STARD3NL: variants seen among roughly 807,000 people sequenced by gnomAD.
The protein encoded by STARD3NL is STARD3 N-terminal-like protein.
Under a neutral mutation model 30.9 loss-of-function variants are expected in STARD3NL, and 17 were observed. The observed-to-expected ratio is 0.55, with a 90% CI of 0.38 to 0.82. STARD3NL has a LOEUF of 0.82. Ranked by LOEUF, STARD3NL falls within the 40% of genes least tolerant of loss-of-function variation. STARD3NL has a pLI of 0.00. For missense variants in STARD3NL, 234 were observed against 277.6 expected (o/e 0.84, Z 1.12); for synonymous variants, 112 against 100.5 (o/e 1.11, Z -0.69).
chr7:38,211,701 T>C (rs1785812357), intron 2 of STARD3NL, among the ~76,000 whole-genome samples: 1 of 152,200 alleles, frequency 6.6e-6, no homozygotes. Context: ...ACAGTCTACA[T>C]CACAGCCTCC....
At chr7:38,206,315 A>T (rs886413514) in intron 1 of STARD3NL, among the ~76,000 whole-genome samples, 1 of 152,212 alleles carries the variant, frequency 6.6e-6, no homozygotes, top group Non-Finnish European at 1.5e-5. Flanking sequence ...CAAGTGGCAT[A>T]TGAACTTCTG....
At chr7:38,218,745 T>C (rs1224895220) in intron 6 of STARD3NL, among the ~76,000 whole-genome samples, 1 of 152,258 alleles carries the variant, frequency 6.6e-6, no homozygotes, top group Non-Finnish European at 1.5e-5. Context: ...AACTTAAGTG[T>C]TGGTGGCCTT....
chr7:38,186,973 G>C (rs1784485233), intron 1 of STARD3NL, among the ~76,000 whole-genome samples: 1 of 151,822 alleles, frequency 6.6e-6, no homozygotes, highest in Non-Finnish European at 1.5e-5. Context: ...GAGGAAGGTA[G>C]CTATAGAGAC....
intron 1 of STARD3NL, among the ~76,000 whole-genome samples, chr7:38,189,997 T>C (rs971208531): frequency 1.3e-5 from 2 of 152,246 alleles, no homozygotes; most frequent in African/African-American, 4.8e-5. Context: ...GTTGGTCTCA[T>C]GATTTTTTTG....
intron 2 of STARD3NL, among the ~76,000 whole-genome samples, chr7:38,210,295 G>A (rs927396939): frequency 6.6e-6 from 1 of 152,186 alleles, no homozygotes; most frequent in Non-Finnish European, 1.5e-5. Context: ...TTGTGATGTA[G>A]TCTTTAAAAG....
intron 1 of STARD3NL, among the ~76,000 whole-genome samples, chr7:38,185,724 A>G (rs1167304409): frequency 6.6e-6 from 1 of 152,170 alleles, no homozygotes; most frequent in Non-Finnish European, 1.5e-5. Context: ...TTTGCTGACT[A>G]CTTATCAGCT....
chr7:38,211,410 G>T (rs372071350), intron 2 of STARD3NL, among the ~76,000 whole-genome samples: 1 of 152,068 alleles, frequency 6.6e-6, no homozygotes, highest in African/African-American at 2.4e-5. Flanking sequence ...AGATCACGGC[G>T]CATGGAAGTA....
chr7:38,193,940 A>T (rs970043896), intron 1 of STARD3NL, among the ~76,000 whole-genome samples: 5 of 152,130 alleles, frequency 3.3e-5, no homozygotes, highest in African/African-American at 1.2e-4. Flanking sequence ...AGCTTTATTT[A>T]ATAATAGGAT....
chr7:38,185,886 G>C (rs554141508), intron 1 of STARD3NL, among the ~76,000 whole-genome samples: 42 of 152,332 alleles, frequency 2.8e-4, no homozygotes, highest in African/African-American at 9.9e-4. Context: ...TCCTGGGAGA[G>C]CAGTGAGCTC....
chr7:38,206,663 A>G (rs575414830), intron 1 of STARD3NL, among the ~76,000 whole-genome samples: 7 of 152,354 alleles, frequency 4.6e-5, no homozygotes, highest in Non-Finnish European at 7.3e-5. Context: ...GAAGAGGCCT[A>G]GAAACATGCT....
intron 2 of STARD3NL, among the ~76,000 whole-genome samples, chr7:38,211,987 C>T (rs1583813690): frequency 6.6e-6 from 1 of 152,104 alleles, no homozygotes; most frequent in Non-Finnish European, 1.5e-5. Context: ...CACTGTTTCC[C>T]TTTCTTTTCC....
chr7:38,227,291 T>C (rs1015523416), intron 7 of STARD3NL, among the ~76,000 whole-genome samples: 5 of 152,196 alleles, frequency 3.3e-5, no homozygotes, highest in Non-Finnish European at 7.4e-5. Flanking sequence ...TGTGACCATC[T>C]TCCTCATCCT....
At chr7:38,198,744 T>A (rs1379585073) in intron 1 of STARD3NL, among the ~76,000 whole-genome samples, 1 of 152,180 alleles carries the variant, frequency 6.6e-6, no homozygotes, top group East Asian at 1.9e-4. Context: ...TGAGAGATTG[T>A]GGGGCTCCTG....
chr7:38,219,378 T>C (rs139661962), intron 6 of STARD3NL, among the ~76,000 whole-genome samples, 187 bp from the exon 7 acceptor site: 2 of 152,344 alleles, frequency 1.3e-5, no homozygotes, highest in East Asian at 3.9e-4. Context: ...TGCTTAGTTA[T>C]CTGTCTTTAC....
intron 1 of STARD3NL, among the ~76,000 whole-genome samples, chr7:38,191,888 G>T (rs1055965587): frequency 6.8e-6 from 1 of 147,852 alleles, no homozygotes; most frequent in Non-Finnish European, 1.5e-5. Flanking sequence ...ATACATTTTA[G>T]AATTAGCTTG....
At chr7:38,192,725 A>G (rs1008253056) in intron 1 of STARD3NL, among the ~76,000 whole-genome samples, 2 of 152,342 alleles carry the variant, frequency 1.3e-5, no homozygotes, top group African/African-American at 4.8e-5. Context: ...GCTGCTGTCA[A>G]CTAAGTGCTT....
chr7:38,206,630 T>C (rs1257801332), intron 1 of STARD3NL, among the ~76,000 whole-genome samples: 1 of 152,228 alleles, frequency 6.6e-6, no homozygotes, highest in East Asian at 1.9e-4. Flanking sequence ...ACTTTTTGTT[T>C]AGTGTGTGCA....
intron 7 of STARD3NL, among the ~76,000 whole-genome samples, chr7:38,223,432 G>C (rs570412479): frequency 6.6e-6 from 1 of 152,244 alleles, no homozygotes; most frequent in East Asian, 1.9e-4. Flanking sequence ...GCTGAAGAAA[G>C]GGTAATTTTT....
intron 1 of STARD3NL, among the ~76,000 whole-genome samples, chr7:38,184,880 A>G (rs1784398952): frequency 6.7e-6 from 1 of 150,114 alleles, no homozygotes; most frequent in Non-Finnish European, 1.5e-5. Flanking sequence ...AATTTTCTTT[A>G]TTGCTTGTTT....
Sources: allele counts gnomAD v4.1 joint callset (sites outside exome capture counted in the v4.1 genomes callset), GRCh38; gene constraint gnomAD v4.1.1; transcripts MANE v1.5; gene names NCBI Gene and HGNC (gene_info 2026-07-23, HGNC 2026-07-21).